Variants in AK5 observed in about 807,000 individuals in gnomAD.
AK5 encodes adenylate kinase 5, also known as adenylate kinase isoenzyme 5.
A neutral mutation model predicts 69.5 loss-of-function variants in AK5; 27 were observed. The observed-to-expected ratio is 0.39, with a 90% CI of 0.29 to 0.54. The LOEUF (loss-of-function observed/expected upper bound fraction) is 0.54. Ranked by LOEUF, AK5 falls within the 20% of genes least tolerant of loss-of-function variation. The pLI, the probability that AK5 is intolerant of heterozygous loss-of-function variation, is 0.71. For synonymous variants in AK5, 260 were observed against 244.4 expected, an observed-to-expected ratio of 1.06 and a Z score of -0.60; for missense variants, 531 against 700.4, an observed-to-expected ratio of 0.76 and a Z score of 2.73.
In AK5 at chr1:77,367,904, T is replaced by TATATAACATATGTGATATATA. The variant is rs1553140114; in HGVS notation, c.891+27342_891+27343insCATATGTGATATATAATATAA. On this transcript the variant is annotated intron_variant, in intron 6 of 13. Transcript: ENST00000354567. ...TATAAAATATATGTGATATATATTA[T>TATATAACATATGTGATATATA]ATATAAAATATATGTGATATATATT... Among the ~76,000 whole-genome samples, 11 of 3,944 alleles carry TATATAACATATGTGATATATA rather than the reference T, an allele frequency of 2.8e-3. 1 individual carries two copies. The highest frequency in any genetic ancestry group is 8.5e-3 in the African/African-American group (11 of 1,296). The allele number at this position is 3,944 out of a possible 152,430, so 2.6% of individuals were successfully genotyped here. A position where few individuals can be genotyped will look rare whatever the true frequency, so the allele number is the denominator to read the frequency against.
chr1:77,361,315 AG>A (rs1179296481), intron 6 of AK5, among the ~76,000 whole-genome samples: 4 of 152,162 alleles, frequency 2.6e-5, no homozygotes, highest in Admixed American at 2.6e-4. Flanking sequence ...TTGGTCTCAA[AG>A]CGACCTGGTT....
intron 6 of AK5, among the ~76,000 whole-genome samples, chr1:77,383,634 A>G (rs1647806381): frequency 6.6e-6 from 1 of 152,208 alleles, no homozygotes; most frequent in African/African-American, 2.4e-5. Flanking sequence ...GTAAAAGCCA[A>G]TATATTTCTT....
intron 5 of AK5, among the ~76,000 whole-genome samples, chr1:77,300,655 G>T (rs1475542716): frequency 1.3e-5 from 2 of 152,150 alleles, no homozygotes; most frequent in African/African-American, 4.8e-5. Context: ...TAAGAATTCA[G>T]TTCAACTTGG....
At chr1:77,402,761 T>C (rs1649322019) in intron 6 of AK5, among the ~76,000 whole-genome samples, 1 of 152,074 alleles carries the variant, frequency 6.6e-6, no homozygotes, top group Non-Finnish European at 1.5e-5. Flanking sequence ...AACATACGTG[T>C]GCATGTGTCT....
At chr1:77,335,445 A>G (rs1226471309) in intron 5 of AK5, among the ~76,000 whole-genome samples, 3 of 151,606 alleles carry the variant, frequency 2.0e-5, no homozygotes, top group African/African-American at 2.4e-5. Context: ...TTTTTTGAGA[A>G]CATACGCTAA....
intron 10 of AK5, among the ~76,000 whole-genome samples, chr1:77,489,133 C>T (rs1655808168): frequency 1.3e-5 from 2 of 152,176 alleles, no homozygotes; most frequent in African/African-American, 4.8e-5. Flanking sequence ...CTAAAGACCT[C>T]ACCTGTTACT....
intron 6 of AK5, among the ~76,000 whole-genome samples, chr1:77,349,754 T>C (rs1270414365): frequency 6.6e-6 from 1 of 152,218 alleles, no homozygotes; most frequent in Non-Finnish European, 1.5e-5. Flanking sequence ...TGGCCAATTG[T>C]TGGACCTTGT....
intron 8 of AK5, among the ~76,000 whole-genome samples, chr1:77,436,020 A>T (rs576853041): frequency 6.6e-6 from 1 of 152,326 alleles, no homozygotes; most frequent in South Asian, 2.1e-4. Context: ...TTTTTAAAAT[A>T]ACAAGTCACC....
At chr1:77,336,811 A>C (rs1237257341) in intron 5 of AK5, among the ~76,000 whole-genome samples, 1 of 152,004 alleles carries the variant, frequency 6.6e-6, no homozygotes, top group Non-Finnish European at 1.5e-5. Flanking sequence ...TTTCTCCTTC[A>C]TGTTTGAAGG....
chr1:77,492,490 A>G (rs927707953), intron 10 of AK5, among the ~76,000 whole-genome samples: 1 of 152,188 alleles, frequency 6.6e-6, no homozygotes, highest in African/African-American at 2.4e-5. Context: ...AACCACCACC[A>G]TGGGGTTACT....
At chr1:77,442,419 G>A (rs1278209962) in intron 8 of AK5, among the ~76,000 whole-genome samples, 1 of 152,198 alleles carries the variant, frequency 6.6e-6, no homozygotes, top group Non-Finnish European at 1.5e-5. Context: ...TGTGAGGGCT[G>A]CAGAGGACCC....
chr1:77,415,912 C>T (rs1351744642), intron 7 of AK5, among the ~76,000 whole-genome samples: 1 of 152,130 alleles, frequency 6.6e-6, no homozygotes, highest in Non-Finnish European at 1.5e-5. Flanking sequence ...ATCTCATTTT[C>T]CTCTTTTCTA....
In AK5 at chr1:77,470,852, TATATATATA is replaced by T. The variant is rs1654436036; in HGVS notation, c.1060-12464_1060-12456del. Among the ~76,000 whole-genome samples the T allele has an allele frequency of 1.1e-3, 35 of 32,442 alleles. 8 individuals carry two copies. The highest frequency in any genetic ancestry group is 1.3e-3 in the Non-Finnish European group (26 of 20,146). 21.3% of individuals were successfully genotyped at this position (32,442 alleles called of 152,430 possible). On this transcript the variant is annotated intron_variant, in intron 8 of 13. Transcript: ENST00000354567. ...ATATATATATATATATATATATATA[TATATATATA>T]TATATATATATATATTTTTTTTTTT...
At chr1:77,379,771 C>T (rs1020675743) in intron 6 of AK5, among the ~76,000 whole-genome samples, 3 of 152,208 alleles carry the variant, frequency 2.0e-5, no homozygotes, top group Non-Finnish European at 4.4e-5. Context: ...GCTGTTTGAT[C>T]TCCATGCTTT....
intron 6 of AK5, among the ~76,000 whole-genome samples, chr1:77,395,415 A>G (rs1335895799): frequency 6.6e-6 from 1 of 152,210 alleles, no homozygotes; most frequent in East Asian, 1.9e-4. Flanking sequence ...AATATTGTCT[A>G]TAAAAATTTG....
intron 6 of AK5, among the ~76,000 whole-genome samples, chr1:77,376,451 CAAA>C (rs762576175): frequency 1.5e-4 from 6 of 41,036 alleles, no homozygotes; most frequent in Non-Finnish European, 2.3e-4. Context: ...AAAAAAAAAA[CAAA>C]AAAAAAAAAC....
chr1:77,509,083 G>A (rs1298544113), intron 10 of AK5, among the ~76,000 whole-genome samples: 3 of 152,210 alleles, frequency 2.0e-5, no homozygotes, highest in Non-Finnish European at 4.4e-5. Context: ...CAAAGCAGGA[G>A]TGGTCAAGAG....
chr1:77,339,976 G>A (rs1239158304), intron 5 of AK5, among the ~76,000 whole-genome samples: 2 of 152,136 alleles, frequency 1.3e-5, no homozygotes, highest in South Asian at 2.1e-4. Context: ...ATTTTTAAAT[G>A]GCACCAAATA....
At chr1:77,463,969 C>T (rs1242456696) in intron 8 of AK5, among the ~76,000 whole-genome samples, 1 of 152,164 alleles carries the variant, frequency 6.6e-6, no homozygotes, top group African/African-American at 2.4e-5. Context: ...TATAAAAGTG[C>T]TATGGGTTAA....
Sources: gnomAD v4.1 joint callset for allele counts (sites outside exome capture counted in the v4.1 genomes callset) on GRCh38, gnomAD v4.1.1 for gene constraint, MANE v1.5 for transcripts, NCBI Gene and HGNC (gene_info 2026-07-23, HGNC 2026-07-21) for gene names.